NTNG1: variants seen among roughly 807,000 people sequenced by gnomAD.
NTNG1 encodes netrin G1.
NTNG1 carries 16 observed loss-of-function variants against 54.0 expected under a neutral mutation model. That is an observed-to-expected ratio of 0.30 (90% CI 0.20 to 0.45). The LOEUF (loss-of-function observed/expected upper bound fraction) is 0.45. Ranked by LOEUF, NTNG1 falls within the 20% of genes least tolerant of loss-of-function variation. The pLI is 1.00. For synonymous variants in NTNG1, 255 were observed against 263.1 expected, an observed-to-expected ratio of 0.97 and a Z score of 0.30; for missense variants, 530 against 678.7, an observed-to-expected ratio of 0.78 and a Z score of 2.43.
intron 3 of NTNG1, among the ~76,000 whole-genome samples, chr1:107,353,721 C>T (rs1298570540): frequency 1.3e-5 from 2 of 152,132 alleles, no homozygotes; most frequent in African/African-American, 4.8e-5. Flanking sequence ...TATTCTTGCA[C>T]TGCTACAAAG....
chr1:107,427,472 A>G (rs1674984534), intron 5 of NTNG1, among the ~76,000 whole-genome samples: 1 of 152,126 alleles, frequency 6.6e-6, no homozygotes. Flanking sequence ...GCCTGTGTGG[A>G]AAGACCAGGT....
intron 2 of NTNG1, among the ~76,000 whole-genome samples, chr1:107,215,253 A>G (rs569537785): frequency 3.4e-4 from 52 of 152,266 alleles, no homozygotes; most frequent in Middle Eastern, 3.4e-3. Context: ...TAGAATTTGT[A>G]TGGTTTCAGG....
At chr1:107,241,513 TA>T (rs1429287694) in intron 2 of NTNG1, among the ~76,000 whole-genome samples, 1 of 152,178 alleles carries the variant, frequency 6.6e-6, no homozygotes, top group Admixed American at 6.5e-5. Context: ...AAGAACAAGC[TA>T]ACCATAAACC....
chr1:107,312,898 TC>T (rs1360491264), intron 2 of NTNG1, among the ~76,000 whole-genome samples: 4 of 152,304 alleles, frequency 2.6e-5, no homozygotes, highest in South Asian at 2.1e-4. Context: ...CCTTTTTTTT[TC>T]CTGAGCCATT....
At chr1:107,282,630 T>C (rs1664937945) in intron 2 of NTNG1, among the ~76,000 whole-genome samples, 1 of 152,120 alleles carries the variant, frequency 6.6e-6, no homozygotes. Flanking sequence ...AGAGAAGGCC[T>C]GCCCACATTA....
chr1:107,298,869 C>T (rs1035569501), intron 2 of NTNG1, among the ~76,000 whole-genome samples: 3 of 152,226 alleles, frequency 2.0e-5, no homozygotes, highest in East Asian at 1.9e-4. Flanking sequence ...TACTGGCATC[C>T]TCTAGGAAGA....
intron 3 of NTNG1, among the ~76,000 whole-genome samples, chr1:107,377,150 A>G (rs1029954697): frequency 8.5e-5 from 13 of 152,368 alleles, no homozygotes; most frequent in African/African-American, 3.1e-4. Context: ...TCCTTAAAAC[A>G]AGGTTGTTGA....
intron 7 of NTNG1, among the ~76,000 whole-genome samples, chr1:107,451,108 C>CTTT (rs55906603): frequency 2.2e-5 from 3 of 138,386 alleles, no homozygotes; most frequent in East Asian, 2.1e-4. Context: ...TTCTTTCTTT[C>CTTT]TTTTTTTTTT....
chr1:107,349,029 T>G (rs1013973711), intron 3 of NTNG1, among the ~76,000 whole-genome samples: 1 of 152,156 alleles, frequency 6.6e-6, no homozygotes, highest in African/African-American at 2.4e-5. Flanking sequence ...AGTGAGCCCT[T>G]GCCTCTCTCT....
intron 3 of NTNG1, among the ~76,000 whole-genome samples, chr1:107,393,103 C>T (rs1002899450): frequency 6.6e-6 from 1 of 152,168 alleles, no homozygotes; most frequent in Admixed American, 6.5e-5. Flanking sequence ...TGGAAATTGC[C>T]TGTAACTCAG....
chr1:107,275,467 G>A (rs913018186), intron 2 of NTNG1, among the ~76,000 whole-genome samples: 34 of 152,188 alleles, frequency 2.2e-4, no homozygotes, highest in Non-Finnish European at 8.8e-5. Flanking sequence ...CAAGTCCCAA[G>A]ATCTGCAGTT....
At chr1:107,445,666 C>T (rs1187394092) in intron 7 of NTNG1, among the ~76,000 whole-genome samples, 1 of 152,048 alleles carries the variant, frequency 6.6e-6, no homozygotes, top group Non-Finnish European at 1.5e-5. Flanking sequence ...CAGATGGAGA[C>T]AGAAGCTTTG....
intron 2 of NTNG1, among the ~76,000 whole-genome samples, chr1:107,263,268 G>GCTTCCTTCCTTCCTTC (rs1368781917): frequency 1.4e-5 from 2 of 138,960 alleles, no homozygotes; most frequent in African/African-American, 5.4e-5. Flanking sequence ...TTCTAGGTTA[G>GCTTCCTTCCTTCCTTC]CTTGCTTCCT....
At chr1:107,235,528 T>C (rs1661347988) in intron 2 of NTNG1, among the ~76,000 whole-genome samples, 1 of 152,172 alleles carries the variant, frequency 6.6e-6, no homozygotes, top group Admixed American at 6.5e-5. Context: ...CCCCACACTT[T>C]CATGGGCTTT....
intron 5 of NTNG1, chr1:107,420,956 A>T: frequency 1.5e-6 from 1 of 672,198 alleles, no homozygotes; most frequent in Non-Finnish European, 2.6e-6. Flanking sequence ...ACAAACTCCT[A>T]GAAACAACAG....
intron 2 of NTNG1, among the ~76,000 whole-genome samples, chr1:107,171,896 CT>C (rs11306051): frequency 0.78 from 118,573 of 151,598 alleles, 46,872 homozygotes; most frequent in Middle Eastern, 0.87. Flanking sequence ...ATTTTTTCCC[CT>C]TTTTTTTTGT....
At chr1:107,251,502 A>G (rs1662603973) in intron 2 of NTNG1, among the ~76,000 whole-genome samples, 1 of 152,140 alleles carries the variant, frequency 6.6e-6, no homozygotes, top group Non-Finnish European at 1.5e-5. Flanking sequence ...TCACTTTTGC[A>G]TCTAGTTAAC....
chr1:107,302,750 G>A (rs909789887), intron 2 of NTNG1, among the ~76,000 whole-genome samples: 10 of 152,112 alleles, frequency 6.6e-5, no homozygotes, highest in South Asian at 4.1e-4. Flanking sequence ...AGAATGAACA[G>A]AGGCAGTCTT....
At chr1:107,219,125 TTGTC>T (rs1414665875) in intron 2 of NTNG1, among the ~76,000 whole-genome samples, 2 of 150,800 alleles carry the variant, frequency 1.3e-5, no homozygotes, top group South Asian at 2.1e-4. Flanking sequence ...TTTTTTTTTT[TTGTC>T]TTTAATAGAT....
Sources: allele counts gnomAD v4.1 joint callset (sites outside exome capture counted in the v4.1 genomes callset), GRCh38; gene constraint gnomAD v4.1.1; transcripts MANE v1.5; gene names NCBI Gene and HGNC (gene_info 2026-07-23, HGNC 2026-07-21).